SNTG2: variants seen among roughly 807,000 people sequenced by gnomAD.
SNTG2 encodes syntrophin gamma 2.
A neutral mutation model predicts 70.9 loss-of-function variants in SNTG2; 74 were observed. That is an observed-to-expected ratio of 1.04 (90% CI 0.86 to 1.27). SNTG2 has a LOEUF of 1.27. Among genes scored for constraint, SNTG2 ranks in the 50% most tolerant of loss-of-function variants. SNTG2 has a pLI of 0.00. For synonymous variants in SNTG2, 278 were observed against 273.8 expected (o/e 1.02, Z -0.15); for missense variants, 717 against 690.7 (o/e 1.04, Z -0.43).
At chr2:1,264,111 A>T (rs867312969) in intron 13 of SNTG2, among the ~76,000 whole-genome samples, 1 of 152,370 alleles carries the variant, frequency 6.6e-6, no homozygotes, top group Middle Eastern at 3.4e-3. Context: ...TAGCTTAAAA[A>T]TATCAAAACA....
chr2:1,177,634 G>A (rs1005488293), intron 8 of SNTG2, among the ~76,000 whole-genome samples: 2 of 152,040 alleles, frequency 1.3e-5, no homozygotes, highest in African/African-American at 4.8e-5. Flanking sequence ...ATTAATTCCT[G>A]TTTAAAATTC....
intron 1 of SNTG2, among the ~76,000 whole-genome samples, chr2:1,026,125 G>C (rs1323263977): frequency 6.6e-6 from 1 of 152,196 alleles, no homozygotes; most frequent in African/African-American, 2.4e-5. Flanking sequence ...TTCTGGAAAA[G>C]CAAGCAGCTT....
At chr2:954,046 C>G (rs1660065709) in intron 1 of SNTG2, among the ~76,000 whole-genome samples, 1 of 152,190 alleles carries the variant, frequency 6.6e-6, no homozygotes, top group South Asian at 2.1e-4. Flanking sequence ...GATAGACTTA[C>G]TAAGCAGTGT....
chr2:1,153,910 C>T (rs553613014), intron 6 of SNTG2, among the ~76,000 whole-genome samples: 1 of 152,184 alleles, frequency 6.6e-6, no homozygotes, highest in South Asian at 2.1e-4. Context: ...CTTAGCTGTG[C>T]CAGAGTGCAG....
chr2:1,228,463 C>T (rs955409988), intron 9 of SNTG2, among the ~76,000 whole-genome samples: 2 of 152,204 alleles, frequency 1.3e-5, no homozygotes, highest in African/African-American at 4.8e-5. Context: ...TGCCTGCACA[C>T]CCAGGCTCTT....
intron 16 of SNTG2, chr2:1,341,446 A>G (rs59942061): frequency 0.49 from 74,465 of 151,930 alleles, 18,913 homozygotes; most frequent in African/African-American, 0.63. Context: ...GCTCAGTCCC[A>G]TGCTCCAGGG....
chr2:963,387 A>G (rs1660419087), intron 1 of SNTG2, among the ~76,000 whole-genome samples: 1 of 152,148 alleles, frequency 6.6e-6, no homozygotes, highest in East Asian at 1.9e-4. Flanking sequence ...TATCATATTT[A>G]TATGATATAC....
intron 8 of SNTG2, among the ~76,000 whole-genome samples, chr2:1,174,091 A>G (rs954724722): frequency 1.3e-5 from 2 of 152,200 alleles, no homozygotes; most frequent in African/African-American, 2.4e-5. Flanking sequence ...TAAAAATTGC[A>G]TTTAGACTCT....
At chr2:992,193 A>G (rs1230267008) in intron 1 of SNTG2, among the ~76,000 whole-genome samples, 1 of 152,174 alleles carries the variant, frequency 6.6e-6, no homozygotes, top group East Asian at 1.9e-4. Flanking sequence ...TATTTTGTAA[A>G]GCAAAAAGGT....
intron 1 of SNTG2, among the ~76,000 whole-genome samples, chr2:977,176 C>T (rs989018629): frequency 2.0e-5 from 3 of 152,210 alleles, no homozygotes; most frequent in Admixed American, 6.5e-5. Flanking sequence ...AGGCAGTACA[C>T]GCTGTAAGTA....
At chr2:1,004,637 A>G (rs1343721081) in intron 1 of SNTG2, among the ~76,000 whole-genome samples, 1 of 152,218 alleles carries the variant, frequency 6.6e-6, no homozygotes, top group Non-Finnish European at 1.5e-5. Context: ...TTAGCTGGCT[A>G]AAATCCAAAA....
At chr2:975,454 G>T (rs1572181357) in intron 1 of SNTG2, among the ~76,000 whole-genome samples, 1 of 152,248 alleles carries the variant, frequency 6.6e-6, no homozygotes, top group Non-Finnish European at 1.5e-5. Context: ...AACAGCAACA[G>T]TTCCCCTGTG....
At chr2:1,159,055 C>T (rs964333991) in intron 6 of SNTG2, among the ~76,000 whole-genome samples, 6 of 151,186 alleles carry the variant, frequency 4.0e-5, no homozygotes, top group African/African-American at 1.2e-4. Context: ...TATGTGTCCA[C>T]GGGTGTACCT....
At chr2:1,077,577 A>T (rs951476193) in intron 1 of SNTG2, among the ~76,000 whole-genome samples, 3 of 152,214 alleles carry the variant, frequency 2.0e-5, no homozygotes, top group Admixed American at 2.0e-4. Context: ...AGTTTCGAAT[A>T]TGGTATTTTT....
chr2:1,326,751 T>G (rs1017325519), intron 16 of SNTG2, among the ~76,000 whole-genome samples: 1 of 152,206 alleles, frequency 6.6e-6, no homozygotes, highest in African/African-American at 2.4e-5. Context: ...TAATAAAATC[T>G]TATAAACGAA....
At chr2:1,085,214 C>A (rs780914248) in intron 2 of SNTG2, among the ~76,000 whole-genome samples, 2 of 152,094 alleles carry the variant, frequency 1.3e-5, no homozygotes, top group Non-Finnish European at 2.9e-5. Flanking sequence ...AGGAAGCTTT[C>A]GTAATCATTT....
intron 16 of SNTG2, among the ~76,000 whole-genome samples, chr2:1,335,889 T>C (rs13401346): frequency 0.76 from 115,045 of 152,070 alleles, 43,942 homozygotes; most frequent in East Asian, 0.92. Flanking sequence ...TAGAGAGAGG[T>C]TGGTGTGTTT....
At chr2:1,111,151 G>C (rs958943443) in intron 4 of SNTG2, among the ~76,000 whole-genome samples, 1 of 152,204 alleles carries the variant, frequency 6.6e-6, no homozygotes, top group African/African-American at 2.4e-5. Context: ...TATTGCTAAT[G>C]AATCAATGAA....
chr2:1,279,807 G>A (rs528569906), intron 14 of SNTG2, among the ~76,000 whole-genome samples: 2 of 152,300 alleles, frequency 1.3e-5, no homozygotes, highest in South Asian at 2.1e-4. Flanking sequence ...ATCCAGCTGC[G>A]AAGCAAAGTC....
Sources: allele counts gnomAD v4.1 joint callset (sites outside exome capture counted in the v4.1 genomes callset), GRCh38; gene constraint gnomAD v4.1.1; transcripts MANE v1.5; gene names NCBI Gene and HGNC (gene_info 2026-07-23, HGNC 2026-07-21).